Variants in TMEM131 observed in about 807,000 individuals in gnomAD.
TMEM131 encodes the protein 2610524E03Rik.
Under a neutral mutation model 211.6 loss-of-function variants are expected in TMEM131, and 66 were observed. The ratio of observed to expected loss-of-function variants is 0.31; its 90% confidence interval spans 0.26 to 0.38. The LOEUF is 0.38. Among genes scored for constraint, TMEM131 ranks in the 10% least tolerant of loss-of-function variants. The pLI is 1.00. For missense variants in TMEM131, 2,036 were observed against 2,299.3 expected (o/e 0.89, Z 2.34); for synonymous variants, 844 against 841.3 (o/e 1.00, Z -0.06).
rs79428402 is a variant in TMEM131, at chr2:97,887,275, T to C, written c.359+777A>G. 3.2e-3 allele frequency among the ~76,000 whole-genome samples: 492 copies of C among 152,310 alleles called. 6 individuals are homozygous for C. The East Asian group carries it at 0.041, about 13-fold the overall frequency. On this transcript the variant is annotated intron_variant, in intron 4 of 40. Transcript: ENST00000186436. ...AAGCTGCTTGGCTAGCCTGGGGACA[T>C]GTTTGCTAGTGGCGACCCACAGGGC...
At chr2:97,984,744 T>C (rs1209294003) in intron 1 of TMEM131, among the ~76,000 whole-genome samples, 1 of 150,922 alleles carries the variant, frequency 6.6e-6, no homozygotes, top group East Asian at 1.9e-4. Context: ...TTACTATATA[T>C]TGATACATCA....
At chr2:97,815,420 G>A in intron 12 of TMEM131, 113 bp from the exon 13 acceptor site, 5 of 576,542 alleles carry the variant, frequency 8.7e-6, no homozygotes, top group South Asian at 5.4e-5. Context: ...CTTCCAAATT[G>A]GCCAACAGAA....
intron 11 of TMEM131, among the ~76,000 whole-genome samples, chr2:97,831,864 G>A (rs1209875155): frequency 4.0e-5 from 6 of 150,830 alleles, no homozygotes; most frequent in African/African-American, 7.3e-5. Flanking sequence ...ACAGGGTTTC[G>A]CCATGTTGGC....
At chr2:97,812,787 A>G in intron 15 of TMEM131, 38 bp from the exon 16 acceptor site, 1 of 1,127,134 alleles carries the variant, frequency 8.9e-7, no homozygotes, top group Non-Finnish European at 1.3e-6. Flanking sequence ...AAAAAAAGTC[A>G]CATTGATCTA....
chr2:97,921,284 T>C (rs893400389), intron 2 of TMEM131, among the ~76,000 whole-genome samples: 2 of 152,034 alleles, frequency 1.3e-5, no homozygotes, highest in South Asian at 2.1e-4. Flanking sequence ...AAATAGTCAA[T>C]AAAGGATGCT....
At chr2:97,883,176 C>T (rs112221615) in intron 4 of TMEM131, among the ~76,000 whole-genome samples, 1 of 152,116 alleles carries the variant, frequency 6.6e-6, no homozygotes, top group Non-Finnish European at 1.5e-5. Context: ...TAAAGCTCCA[C>T]CTCTGAACAC....
At chr2:97,926,887 T>A (rs1423646505) in intron 2 of TMEM131, among the ~76,000 whole-genome samples, 1 of 152,222 alleles carries the variant, frequency 6.6e-6, no homozygotes, top group Non-Finnish European at 1.5e-5. Context: ...TAGGGAATTT[T>A]CCAGAAATTC....
chr2:97,875,284 C>T (rs1186471134), intron 4 of TMEM131, among the ~76,000 whole-genome samples: 1 of 152,106 alleles, frequency 6.6e-6, no homozygotes, highest in Non-Finnish European at 1.5e-5. Context: ...TTTTAACACC[C>T]TATTGTCCGT....
At position 97,995,543 on chromosome 2, in the gene TMEM131, G is replaced by C. The variant is rs909835436; in HGVS notation, c.120C>G (p.Ala40=). The C allele has an allele frequency of 3.0e-6, 4 of 1,341,504 alleles. No homozygotes were observed. The highest frequency in any genetic ancestry group is 3.4e-5 in the Admixed American group (1 of 29,102). The allele number at this position is 1,341,504 out of a possible 1,614,324, so 83.1% of individuals were successfully genotyped here. A position where few individuals can be genotyped will look rare whatever the true frequency, so the allele number is the denominator to read the frequency against. Reference sequence around the variant, plus strand: ...CCAGGTGCAGCGCGCCTAGGAGGCCGGCGGCCGCGCTCCGCGGGCCCCCGC... The same window carrying C: ...CCAGGTGCAGCGCGCCTAGGAGGCCCGCGGCCGCGCTCCGCGGGCCCCCGC... ...ARSGGPRSAA[A]GLLGALHLVM... Residue 40 remains alanine (A), a synonymous_variant, in exon 1 of 41, where the codon GCC becomes GCG. Coordinates refer to ENST00000186436, the MANE Select transcript of TMEM131 (RefSeq NM_015348.2).
chr2:97,835,455 G>GT (rs1682894613), intron 8 of TMEM131, among the ~76,000 whole-genome samples: 1 of 152,172 alleles, frequency 6.6e-6, no homozygotes, highest in Admixed American at 6.5e-5. Flanking sequence ...CTGCATTCAT[G>GT]TAAGACAGCA....
chr2:97,879,262 C>T (rs1342317079), intron 4 of TMEM131, among the ~76,000 whole-genome samples: 2 of 152,154 alleles, frequency 1.3e-5, no homozygotes, highest in Non-Finnish European at 2.9e-5. Flanking sequence ...TAAGCCAATA[C>T]ATAGACAGGC....
At chr2:97,865,141 G>A (rs1674221431) in intron 4 of TMEM131, among the ~76,000 whole-genome samples, 2 of 152,224 alleles carry the variant, frequency 1.3e-5, no homozygotes, top group African/African-American at 4.8e-5. Context: ...TTCACAAGAA[G>A]AGACAAAGAC....
chr2:97,781,071 G>A (rs149300348), intron 31 of TMEM131, among the ~76,000 whole-genome samples: 5 of 152,234 alleles, frequency 3.3e-5, no homozygotes, highest in African/African-American at 1.2e-4. Context: ...GCAATCATTC[G>A]GGTCTGTCTC....
At chr2:97,984,486 A>C (rs964454851) in intron 1 of TMEM131, among the ~76,000 whole-genome samples, 14 of 152,052 alleles carry the variant, frequency 9.2e-5, no homozygotes, top group African/African-American at 3.4e-4. Context: ...CTGTACAGGA[A>C]GTGTGGTACC....
intron 5 of TMEM131, among the ~76,000 whole-genome samples, chr2:97,856,066 T>A (rs568076727): frequency 6.6e-6 from 1 of 152,274 alleles, no homozygotes; most frequent in Non-Finnish European, 1.5e-5. Context: ...ATTTAATTAA[T>A]CAAAAGCTTC....
Position 97,854,408 on chromosome 2 carries a change from T to C in TMEM131, c.483+4896A>G, listed in dbSNP as rs772598171. 3.9e-5 allele frequency among the ~76,000 whole-genome samples: 6 copies of C among 152,284 alleles called. No homozygotes were observed. The South Asian group carries it at 8.3e-4, about 21-fold the overall frequency. On this transcript the variant is annotated intron_variant, in intron 5 of 40. Coordinates refer to ENST00000186436, the MANE Select transcript of TMEM131 (RefSeq NM_015348.2). ...CTGCAGTGGTCTGGAACGGAACCCA[T>C]AATATCTCCAAGGTATCCCTGTATC... is the stretch of plus-strand genomic sequence containing the variant.
Position 97,826,315 on chromosome 2 carries a change from A to G in TMEM131, c.1074+7050T>C, listed in dbSNP as rs201902283. ...AAAGAATAAATGTGTGTATACAGAT[A>G]GCAAGTATGCTTATCTATTCCTACA... On this transcript the variant is annotated intron_variant, in intron 11 of 40. Transcript: ENST00000186436. Among the ~76,000 whole-genome samples, 6 of 152,390 alleles carry G rather than the reference A, an allele frequency of 3.9e-5. No homozygotes were observed. In the East Asian group the frequency reaches 1.2e-3, roughly 29 times the overall value.
intron 26 of TMEM131, 136 bp from the exon 27 acceptor site, chr2:97,797,122 C>A: frequency 9.7e-7 from 1 of 1,030,684 alleles, no homozygotes; most frequent in Non-Finnish European, 1.4e-6. Context: ...TTTAAGAATT[C>A]AAAAATACAC....
At chr2:97,859,866 A>G (rs1673995344) in intron 4 of TMEM131, among the ~76,000 whole-genome samples, 1 of 152,218 alleles carries the variant, frequency 6.6e-6, no homozygotes, top group Admixed American at 6.5e-5. Flanking sequence ...GGCTTTTACT[A>G]TACTCATTTC....
Sources: gnomAD v4.1 joint callset for allele counts (sites outside exome capture counted in the v4.1 genomes callset) on GRCh38, gnomAD v4.1.1 for gene constraint, MANE v1.5 for transcripts, NCBI Gene and HGNC (gene_info 2026-07-23, HGNC 2026-07-21) for gene names.